Variants in ZNF536 observed in about 807,000 individuals in gnomAD.
The protein encoded by ZNF536 is zinc finger protein 536.
ZNF536 carries 13 observed loss-of-function variants against 84.5 expected under a neutral mutation model. The ratio of observed to expected loss-of-function variants is 0.15; its 90% CI spans 0.10 to 0.24. ZNF536 has a LOEUF of 0.24. Ranked by LOEUF, ZNF536 falls within the 10% of genes least tolerant of loss-of-function variation. The pLI, the probability that ZNF536 is intolerant of heterozygous loss-of-function variation, is 1.00. For synonymous variants in ZNF536, 811 were observed against 742.5 expected (o/e 1.09, Z -1.50); for missense variants, 1,536 against 1,747.5 (o/e 0.88, Z 2.16).
At chr19:30,621,628 T>A (rs2048485051) in intron 1 of ZNF536, among the ~76,000 whole-genome samples, 1 of 152,262 alleles carries the variant, frequency 6.6e-6, no homozygotes, top group Admixed American at 6.5e-5. Context: ...TGTGATAAAG[T>A]AACTATGTTT....
intron 1 of ZNF536, among the ~76,000 whole-genome samples, chr19:30,400,036 A>G (rs1368713484): frequency 1.8e-4 from 27 of 152,056 alleles, no homozygotes. Context: ...AGCGCCATCT[A>G]TGTTTTGCAT....
chr19:30,506,874 T>C (rs2055195334), intron 2 of ZNF536, among the ~76,000 whole-genome samples: 1 of 152,200 alleles, frequency 6.6e-6, no homozygotes, highest in Non-Finnish European at 1.5e-5. Context: ...AAGGAAAATA[T>C]CAGTCTTAAC....
chr19:30,513,528 G>A (rs79821625), intron 2 of ZNF536, among the ~76,000 whole-genome samples: 2 of 152,326 alleles, frequency 1.3e-5, no homozygotes, highest in African/African-American at 2.4e-5. Context: ...GTCTGTAATA[G>A]TTCCAAGTTA....
At chr19:30,269,563 A>AGTCAGGT (rs1397890165) in intron 1 of ZNF536, among the ~76,000 whole-genome samples, 1 of 152,184 alleles carries the variant, frequency 6.6e-6, no homozygotes, top group Non-Finnish European at 1.5e-5. Context: ...TGAGGCAGTA[A>AGTCAGGT]GTCAGGTGGA....
chr19:30,462,063 T>C (rs528679691), intron 2 of ZNF536, among the ~76,000 whole-genome samples: 1 of 152,282 alleles, frequency 6.6e-6, no homozygotes, highest in East Asian at 1.9e-4. Flanking sequence ...TAGATGATTG[T>C]CTGGGAGGGC....
chr19:30,390,897 T>G (rs913581148), intron 1 of ZNF536, among the ~76,000 whole-genome samples: 17 of 152,298 alleles, frequency 1.1e-4, no homozygotes, highest in Middle Eastern at 3.4e-3. Context: ...AATGTCAGAA[T>G]AAACAGAAAT....
intron 2 of ZNF536, among the ~76,000 whole-genome samples, chr19:30,466,643 T>C (rs2053414656): frequency 7.1e-6 from 1 of 140,470 alleles, no homozygotes; most frequent in Non-Finnish European, 1.5e-5. Context: ...TTTTTTTTTG[T>C]TTTTTGTTTT....
chr19:30,664,015 T>C (rs777000576), intron 1 of ZNF536, among the ~76,000 whole-genome samples: 1 of 152,222 alleles, frequency 6.6e-6, no homozygotes, highest in Non-Finnish European at 1.5e-5. Context: ...TAATCTGTGA[T>C]AAAACTGCTT....
chr19:30,659,086 G>A (rs1380300743), intron 1 of ZNF536, among the ~76,000 whole-genome samples: 1 of 152,136 alleles, frequency 6.6e-6, no homozygotes, highest in African/African-American at 2.4e-5. Flanking sequence ...GAACTCTTTG[G>A]CAAAGCTGGT....
chr19:30,662,367 A>G (rs2050150557), intron 1 of ZNF536, among the ~76,000 whole-genome samples: 1 of 152,184 alleles, frequency 6.6e-6, no homozygotes, highest in South Asian at 2.1e-4. Flanking sequence ...GTAATTTAAG[A>G]ACAGTCATTT....
chr19:30,671,762 G>T (rs1049261836), intron 1 of ZNF536, among the ~76,000 whole-genome samples: 1 of 152,146 alleles, frequency 6.6e-6, no homozygotes, highest in African/African-American at 2.4e-5. Context: ...GTTCAGTGAC[G>T]AACAAACAGC....
At chr19:30,586,050 C>G (rs1313043284) in intron 1 of ZNF536, among the ~76,000 whole-genome samples, 10 of 152,230 alleles carry the variant, frequency 6.6e-5, no homozygotes, top group Non-Finnish European at 1.5e-4. Flanking sequence ...CCCTGCCCTC[C>G]TGGAGCTTAC....
intron 1 of ZNF536, among the ~76,000 whole-genome samples, chr19:30,574,932 A>G (rs1223546704): frequency 6.6e-6 from 1 of 152,190 alleles, no homozygotes; most frequent in African/African-American, 2.4e-5. Flanking sequence ...TAGTGCAGCC[A>G]TGCATCGGAA....
Position 30,428,128 on chromosome 19 carries a change from C to T in ZNF536, c.-2-15433C>T, listed in dbSNP as rs142403154. On this transcript the variant is annotated intron_variant, in intron 1 of 4. Transcript: ENST00000355537. ...AAAGGTAAAGTTATTAACTCCTTGC[C>T]TACCACGTATGCCTCTGAATGCTGG... Among the ~76,000 whole-genome samples, 438 of 152,310 alleles carry T rather than the reference C, an allele frequency of 2.9e-3. 1 individual carries two copies. Among genetic ancestry groups the T allele is most frequent in the African/African-American group, 0.01 (419 of 41,572 alleles).
intron 2 of ZNF536, among the ~76,000 whole-genome samples, chr19:30,457,642 G>A (rs2052916512): frequency 6.6e-6 from 1 of 152,246 alleles, no homozygotes; most frequent in Non-Finnish European, 1.5e-5. Flanking sequence ...ATGGCCCCCT[G>A]ACCATGCTGT....
At chr19:30,374,981 C>A (rs113263191) in intron 1 of ZNF536, among the ~76,000 whole-genome samples, 1 of 151,880 alleles carries the variant, frequency 6.6e-6, no homozygotes, top group Non-Finnish European at 1.5e-5. Flanking sequence ...AGGAGCGAAG[C>A]GCCTGGAGAT....
chr19:30,262,183 C>T (rs1227468389), intron 1 of ZNF536, among the ~76,000 whole-genome samples: 1 of 152,210 alleles, frequency 6.6e-6, no homozygotes, highest in African/African-American at 2.4e-5. Flanking sequence ...GTCTGGTGCT[C>T]CTCTGTTAGC....
intron 1 of ZNF536, among the ~76,000 whole-genome samples, chr19:30,701,897 G>A (rs1475587043): frequency 6.6e-6 from 1 of 152,200 alleles, no homozygotes; most frequent in African/African-American, 2.4e-5. Flanking sequence ...TCATGCTGAT[G>A]CACTTTGATG....
intron 1 of ZNF536, among the ~76,000 whole-genome samples, chr19:30,241,786 A>G (rs2023960405): frequency 6.6e-6 from 1 of 152,126 alleles, no homozygotes; most frequent in Non-Finnish European, 1.5e-5. Context: ...AGAGACACGG[A>G]AGTATATGCG....
Sources: gnomAD v4.1 joint callset for allele counts (sites outside exome capture counted in the v4.1 genomes callset) on GRCh38, gnomAD v4.1.1 for gene constraint, MANE v1.5 for transcripts, NCBI Gene and HGNC (gene_info 2026-07-23, HGNC 2026-07-21) for gene names.